The following KIF13B variants were observed in gnomAD, a reference collection of about 807,000 sequenced individuals.
KIF13B encodes kinesin-like protein KIF13B.
In KIF13B, 127 loss-of-function variants were observed where a neutral mutation model predicts 222.0. The observed-to-expected ratio is 0.57, with a 90% CI of 0.50 to 0.66. The LOEUF (loss-of-function observed/expected upper bound fraction) is 0.66, where lower values mean the gene tolerates loss of function less well. Ranked by LOEUF, KIF13B falls within the 30% of genes least tolerant of loss-of-function variation. KIF13B has a pLI of 0.00. For missense variants in KIF13B, 2,173 were observed against 2,379.0 expected, an observed-to-expected ratio of 0.91 and a Z score of 1.80; for synonymous variants, 976 against 919.0, an observed-to-expected ratio of 1.06 and a Z score of -1.12.
chr8:29,245,180 T>A (rs1815966591), intron 2 of KIF13B, among the ~76,000 whole-genome samples, 166 bp downstream of exon 2: 1 of 152,196 alleles, frequency 6.6e-6, no homozygotes, highest in Non-Finnish European at 1.5e-5. Flanking sequence ...TGTCATCCCA[T>A]ATTATAGACT....
intron 1 of KIF13B, among the ~76,000 whole-genome samples, chr8:29,258,002 A>G (rs1319988849): frequency 2.0e-5 from 3 of 152,238 alleles, no homozygotes; most frequent in African/African-American, 7.2e-5. Flanking sequence ...CTCATTCACC[A>G]TTAGCATGTC....
rs1039535310 is a variant in KIF13B at position 29,235,379 on chromosome 8, G to C, written c.149+9967C>G. 2.2e-4 allele frequency among the ~76,000 whole-genome samples: 33 copies of C among 152,192 alleles called. 1 individual carries two copies. The highest frequency in any genetic ancestry group is 1.6e-4 in the Non-Finnish European group (11 of 68,044). ...GCTAGAATACTGAACTCCACAGAGT[G>C]GGGTGGAAGAAGATAGCTCATCAGG... On this transcript the variant is annotated intron_variant, in intron 2 of 39. Coordinates refer to ENST00000524189, the MANE Select transcript of KIF13B (RefSeq NM_015254.4).
intron 3 of KIF13B, among the ~76,000 whole-genome samples, chr8:29,191,454 T>C (rs1813183837): frequency 6.6e-6 from 1 of 152,246 alleles, no homozygotes; most frequent in Non-Finnish European, 1.5e-5. Context: ...CACTATAGCA[T>C]GTCCAAAATA....
In KIF13B at chr8:29,072,313, G is replaced by A. The variant is rs772053981; in HGVS notation, c.4525C>T (p.Gln1509Ter). The A allele has an allele frequency of 2.8e-6, 4 of 1,412,890 alleles. No homozygotes were observed. The highest frequency in any genetic ancestry group is 1.7e-5 in the South Asian group (1 of 59,806). The allele number at this position is 1,412,890 out of a possible 1,614,324, so 87.5% of individuals were successfully genotyped here. A position where few individuals can be genotyped will look rare whatever the true frequency, so the allele number is the denominator to read the frequency against. The change falls in exon 39 of 40, where the codon CAG becomes TAG. Residue 1509 changes from glutamine to a stop codon, truncating the protein, a stop_gained. Coordinates refer to ENST00000524189, the MANE Select transcript of KIF13B (RefSeq NM_015254.4). LOFTEE classifies it high-confidence loss of function. The stretch of plus-strand genomic sequence containing the variant: ...AGCACGTCAGGGCCCATCTCCGGCT[G>A]AGCCTGCAGCAGGACGGGGAAGCAG... ...DIRVTRMEEA[Q>*]PEMGPDVLVQ...
At chr8:29,101,870 G>A (rs746084389) in intron 35 of KIF13B, among the ~76,000 whole-genome samples, 1 of 152,064 alleles carries the variant, frequency 6.6e-6, no homozygotes, top group Non-Finnish European at 1.5e-5. Context: ...TCCAGCTGAC[G>A]CCTACGAATC....
At chr8:29,244,883 T>C (rs1815952599) in intron 2 of KIF13B, among the ~76,000 whole-genome samples, 1 of 152,150 alleles carries the variant, frequency 6.6e-6, no homozygotes, top group Admixed American at 6.5e-5. Context: ...CTATAATCAT[T>C]AAATTAGGTA....
chr8:29,209,322 A>C (rs1814101715), intron 2 of KIF13B, among the ~76,000 whole-genome samples: 1 of 152,146 alleles, frequency 6.6e-6, no homozygotes, highest in South Asian at 2.1e-4. Context: ...CTGTCTCTCC[A>C]TTCTGATGTG....
chr8:29,150,849 T>TC (rs1427216053), intron 14 of KIF13B, among the ~76,000 whole-genome samples: 15 of 152,156 alleles, frequency 9.9e-5, no homozygotes, highest in African/African-American at 3.6e-4. Flanking sequence ...GTCTCTTTAT[T>TC]CCCCGAGACA....
rs529104077 is a variant in KIF13B at position 29,099,948 on chromosome 8, C to T, written c.4216-707G>A. Among the ~76,000 whole-genome samples, 51 of 152,312 alleles carry T rather than the reference C, an allele frequency of 3.3e-4. 1 individual carries two copies. The highest frequency in any genetic ancestry group is 1.4e-3 in the East Asian group (7 of 5,180). Reference sequence around the variant, plus strand: ...TCACTCAGTTCTCCACAGAAACCCACGAACAACTCTATAGTCAGAGGGTGT... The same window carrying T: ...TCACTCAGTTCTCCACAGAAACCCATGAACAACTCTATAGTCAGAGGGTGT... On this transcript the variant is annotated intron_variant, in intron 35 of 39. Coordinates refer to ENST00000524189, the MANE Select transcript of KIF13B (RefSeq NM_015254.4).
intron 17 of KIF13B, among the ~76,000 whole-genome samples, 165 bp from the exon 18 acceptor site, chr8:29,146,705 G>A (rs776396684): frequency 7.9e-5 from 12 of 152,138 alleles, no homozygotes; most frequent in Non-Finnish European, 1.3e-4. Context: ...CCATGCACAC[G>A]CTTGAACCTC....
At chr8:29,125,647 C>A (rs1810074383) in intron 26 of KIF13B, among the ~76,000 whole-genome samples, 1 of 151,866 alleles carries the variant, frequency 6.6e-6, no homozygotes, top group Admixed American at 6.6e-5. Context: ...ATGACATAAT[C>A]AGGCTCCAAA....
At chr8:29,256,145 G>A (rs1330250552) in intron 1 of KIF13B, among the ~76,000 whole-genome samples, 3 of 152,076 alleles carry the variant, frequency 2.0e-5, no homozygotes, top group African/African-American at 7.2e-5. Flanking sequence ...TTGCAGGCAG[G>A]GTACACAGCA....
rs991128470 is a variant in KIF13B at position 29,180,304 on chromosome 8, T to C, written c.586-66A>G. ...TGTAATACACACTAAAATCCTGCTA[T>C]ACTACAAAATTCATTGCAAGTTTTG... On this transcript the variant is annotated intron_variant, in intron 7 of 39. Coordinates refer to ENST00000524189, the MANE Select transcript of KIF13B (RefSeq NM_015254.4). 38 of 1,501,458 alleles carry C rather than the reference T, an allele frequency of 2.5e-5. No individual in the cohort carries two copies. The East Asian group carries it at 3.2e-4, about 13-fold the overall frequency. The allele number at this position is 1,501,458 out of a possible 1,614,324, so 93.0% of individuals were successfully genotyped here.
At chr8:29,096,148 A>C (rs908254378) in intron 36 of KIF13B, among the ~76,000 whole-genome samples, 1 of 151,494 alleles carries the variant, frequency 6.6e-6, no homozygotes, top group African/African-American at 2.4e-5. Context: ...CACCTGGCTA[A>C]TTTTTGTGTT....
At chr8:29,096,387 C>T (rs1808531899) in intron 36 of KIF13B, among the ~76,000 whole-genome samples, 1 of 151,292 alleles carries the variant, frequency 6.6e-6, no homozygotes, top group African/African-American at 2.4e-5. Flanking sequence ...GCAGCCTCAA[C>T]CTCCCAGGTT....
chr8:29,245,002 C>CAGA (rs1421190190), intron 2 of KIF13B, among the ~76,000 whole-genome samples: 3 of 152,170 alleles, frequency 2.0e-5, no homozygotes, highest in African/African-American at 7.2e-5. Flanking sequence ...TTTGAACTGG[C>CAGA]AGAAGTAAAA....
intron 2 of KIF13B, among the ~76,000 whole-genome samples, chr8:29,242,595 A>T (rs1463917963): frequency 6.6e-6 from 1 of 152,380 alleles, no homozygotes; most frequent in African/African-American, 2.4e-5. Flanking sequence ...TGCATGAGCA[A>T]ATAAGTGATA....
At chr8:29,140,430 A>G (rs755832390) in intron 20 of KIF13B, 38 bp downstream of exon 20, 5 of 1,593,246 alleles carry the variant, frequency 3.1e-6, no homozygotes, top group Middle Eastern at 1.7e-4. Flanking sequence ...TTCTTAAACT[A>G]TTCTCTACAG....
chr8:29,190,501 C>T (rs1813129941), intron 4 of KIF13B: 1 of 160,366 alleles, frequency 6.2e-6, no homozygotes. Context: ...ATCTCACCCT[C>T]TGTATCTCTT....
Sources: allele counts gnomAD v4.1 joint callset (sites outside exome capture counted in the v4.1 genomes callset), GRCh38; gene constraint gnomAD v4.1.1; transcripts MANE v1.5; gene names NCBI Gene and HGNC (gene_info 2026-07-23, HGNC 2026-07-21).